Variants in NBEAL1 observed in about 807,000 individuals in gnomAD.
NBEAL1 encodes neurobeachin like 1, also known as neurobeachin-like protein 1.
In NBEAL1, 273 loss-of-function variants were observed where a neutral mutation model predicts 351.3. That is an observed-to-expected ratio of 0.78 (90% CI 0.70 to 0.86). NBEAL1 has a LOEUF of 0.86. Among genes scored for constraint, NBEAL1 ranks in the 40% least tolerant of loss-of-function variants. The pLI is 0.00. For synonymous variants in NBEAL1, 1,050 were observed against 1,086.4 expected, an observed-to-expected ratio of 0.97 and a Z score of 0.66; for missense variants, 2,961 against 3,201.3, an observed-to-expected ratio of 0.92 and a Z score of 1.81.
intron 44 of NBEAL1, among the ~76,000 whole-genome samples, chr2:203,186,807 A>C (rs2064909859): frequency 6.6e-6 from 1 of 152,112 alleles, no homozygotes; most frequent in Non-Finnish European, 1.5e-5. Flanking sequence ...GCTCTATTGG[A>C]CAAAAGCCAT....
chr2:203,080,395 G>C (rs2061852173), intron 8 of NBEAL1, among the ~76,000 whole-genome samples: 1 of 152,136 alleles, frequency 6.6e-6, no homozygotes, highest in African/African-American at 2.4e-5. Context: ...CTGGGCAACA[G>C]AGCGAGACTT....
chr2:203,057,088 ATTAT>A (rs1380142620), intron 5 of NBEAL1, among the ~76,000 whole-genome samples: 2 of 152,154 alleles, frequency 1.3e-5, no homozygotes, highest in African/African-American at 4.8e-5. Context: ...ATTTTTATGT[ATTAT>A]TTATTTATCA....
At position 203,126,927 on chromosome 2, in the gene NBEAL1, G is replaced by A. The variant is rs1225534514; in HGVS notation, c.3248+1G>A. On this transcript the variant is annotated splice_donor_variant, in intron 23 of 55. Coordinates refer to ENST00000683969, the MANE Select transcript of NBEAL1 (RefSeq NM_001378026.1). LOFTEE classifies it high-confidence loss of function. ...TAGATACACTTAGGATTTATTATGGGTATGATGCCCTTGTTCTTTCTCAGT... is the reference window on the plus strand; with the variant it reads ...TAGATACACTTAGGATTTATTATGGATATGATGCCCTTGTTCTTTCTCAGT... The A allele has an allele frequency of 2.0e-6, 3 of 1,527,456 alleles. No individual in the cohort carries two copies. In the South Asian group the frequency reaches 3.6e-5, roughly 18 times the overall value. The allele number at this position is 1,527,456 out of a possible 1,614,324, so 94.6% of individuals were successfully genotyped here.
At chr2:203,137,251 A>G (rs2063237316) in intron 29 of NBEAL1, among the ~76,000 whole-genome samples, 1 of 152,180 alleles carries the variant, frequency 6.6e-6, no homozygotes, top group Non-Finnish European at 1.5e-5. Flanking sequence ...AAATTCATAA[A>G]CTTTCTTAAA....
intron 7 of NBEAL1, among the ~76,000 whole-genome samples, chr2:203,075,403 T>C (rs1181753760): frequency 6.6e-6 from 1 of 152,210 alleles, no homozygotes; most frequent in Non-Finnish European, 1.5e-5. Flanking sequence ...TGTTTTTATG[T>C]CCTTTTTATG....
In NBEAL1 at chr2:203,157,742, A is replaced by G; in HGVS notation, c.5631A>G (p.Glu1877=). 3 of 1,599,744 alleles carry G rather than the reference A, an allele frequency of 1.9e-6. No homozygotes were observed. The highest frequency in any genetic ancestry group is 2.6e-6 in the Non-Finnish European group (3 of 1,173,722). Residue 1877 remains glutamate, a synonymous_variant, in exon 36 of 56, where the codon GAA becomes GAG. Coordinates refer to ENST00000683969, the MANE Select transcript of NBEAL1 (RefSeq NM_001378026.1). ...CTTCCAGTGATACATTGCTTTTGGA[A>G]GTAGTGAAACAAGTAAAAGTTAGTG... The part of the protein sequence containing the change: ...SQPSSDTLLL[E]VVKQVKVSDM...
chr2:203,028,735 A>G (rs1178257747), intron 2 of NBEAL1, among the ~76,000 whole-genome samples: 1 of 151,900 alleles, frequency 6.6e-6, no homozygotes, highest in Non-Finnish European at 1.5e-5. Context: ...CGTTTGACTC[A>G]TTTTTATTGG....
At position 203,036,645 on chromosome 2, in the gene NBEAL1, G is replaced by A. The variant is rs529918839; in HGVS notation, c.52-5120G>A. Among the ~76,000 whole-genome samples, 40 of 149,104 alleles carry A rather than the reference G, an allele frequency of 2.7e-4. 1 individual carries two copies. Among genetic ancestry groups the A allele is most frequent in the African/African-American group, 9.7e-4 (40 of 41,124 alleles). On this transcript the variant is annotated intron_variant, in intron 2 of 55. Transcript: ENST00000683969. ...TGCCTGCTGTACTACTTACTGTATG[G>A]CAGATATTCAAAAAATTGTGAGTGC...
chr2:203,109,217 C>T (rs1461806058), intron 14 of NBEAL1, among the ~76,000 whole-genome samples: 9 of 151,000 alleles, frequency 6.0e-5, no homozygotes, highest in African/African-American at 1.5e-4. Flanking sequence ...ATTAGCTGGG[C>T]GTGGTGGCAC....
chr2:203,091,636 TG>T (rs1450033269), intron 10 of NBEAL1, among the ~76,000 whole-genome samples: 4 of 152,196 alleles, frequency 2.6e-5, no homozygotes, highest in African/African-American at 4.8e-5. Flanking sequence ...GCAGTAGTGT[TG>T]TTTTTTTTCT....
intron 35 of NBEAL1, among the ~76,000 whole-genome samples, chr2:203,156,816 C>T (rs1244841346): frequency 2.6e-5 from 4 of 152,036 alleles, no homozygotes; most frequent in Non-Finnish European, 5.9e-5. Context: ...ATTATTTTTG[C>T]CATAAATGAA....
At position 203,138,296 on chromosome 2, in the gene NBEAL1, C is replaced by G; in HGVS notation, c.4700C>G (p.Ser1567Ter). ...DFLQSEGLVN[S>*]NMWTEKLLED... ...CTTCAGTCAGAGGGACTAGTTAATT[C>G]AAACATGTGGACCGAGAAGGTGCAG... The change falls in exon 30 of 56, where the codon TCA becomes TGA. Residue 1567 changes from serine (S) to a stop codon, truncating the protein, a stop_gained. Transcript: ENST00000683969. LOFTEE classifies it high-confidence loss of function. 6.2e-7 allele frequency: 1 copy of G among 1,613,232 alleles called. No homozygotes were observed. The highest frequency in any genetic ancestry group is 8.5e-7 in the Non-Finnish European group (1 of 1,179,800).
intron 6 of NBEAL1, among the ~76,000 whole-genome samples, chr2:203,064,345 G>A (rs1011858639): frequency 6.6e-6 from 1 of 152,140 alleles, no homozygotes; most frequent in East Asian, 1.9e-4. Flanking sequence ...GAGCCACTGC[G>A]CCCGGCCATG....
At chr2:203,118,582 T>A (rs564887985) in intron 18 of NBEAL1, among the ~76,000 whole-genome samples, 7 of 149,156 alleles carry the variant, frequency 4.7e-5, no homozygotes, top group Non-Finnish European at 1.0e-4. Flanking sequence ...GTTCTGGATG[T>A]GTGACAGCCA....
rs555852466 is a variant in NBEAL1 at position 203,017,229 on chromosome 2, A to G, written c.51+794A>G. ...GAAGATACTGGCAAGGGTCAGAGAA[A>G]CACCCCTAATGTACTATTTGAGTTA... On this transcript the variant is annotated intron_variant, in intron 2 of 55. Transcript: ENST00000683969. Among the ~76,000 whole-genome samples the G allele has an allele frequency of 3.5e-4, 53 of 152,344 alleles. No individual in the cohort carries two copies. In the South Asian group the frequency reaches 8.9e-3, roughly 26 times the overall value.
intron 4 of NBEAL1, 64 bp from the exon 5 acceptor site, chr2:203,056,363 A>G (rs1411145941): frequency 8.2e-6 from 7 of 858,542 alleles, no homozygotes; most frequent in East Asian, 2.7e-5. Flanking sequence ...TTCAAGCTGA[A>G]TTCATGAACA....
chr2:203,015,462 C>A (rs1364684638), intron 1 of NBEAL1, among the ~76,000 whole-genome samples: 1 of 150,220 alleles, frequency 6.7e-6, no homozygotes, highest in Non-Finnish European at 1.5e-5. Context: ...CCCAACTACT[C>A]CACCCCCACC....
intron 17 of NBEAL1, 87 bp downstream of exon 17, chr2:203,113,405 G>A (rs553755381): frequency 1.4e-6 from 1 of 696,580 alleles, no homozygotes; most frequent in South Asian, 6.6e-5. Context: ...TTAGAATATA[G>A]AAGAATATAT....
At chr2:203,163,771 C>T (rs2064042122) in intron 36 of NBEAL1, among the ~76,000 whole-genome samples, 1 of 151,820 alleles carries the variant, frequency 6.6e-6, no homozygotes, top group Non-Finnish European at 1.5e-5. Context: ...TTAAATATAC[C>T]ACAATTTCTT....
Sources: gnomAD v4.1 joint callset for allele counts (sites outside exome capture counted in the v4.1 genomes callset) on GRCh38, gnomAD v4.1.1 for gene constraint, MANE v1.5 for transcripts, NCBI Gene and HGNC (gene_info 2026-07-23, HGNC 2026-07-21) for gene names.